GPM6B: variants seen among roughly 807,000 people sequenced by gnomAD.
GPM6B encodes the protein glycoprotein M6B.
GPM6B carries 4 observed loss-of-function variants against 27.2 expected under a neutral mutation model. That is an observed-to-expected ratio of 0.15 (90% CI 0.07 to 0.34). The LOEUF (loss-of-function observed/expected upper bound fraction) is 0.34, where lower values mean the gene tolerates loss of function less well. Among genes scored for constraint, GPM6B ranks in the 10% least tolerant of loss-of-function variants. The pLI is 1.00. For synonymous variants in GPM6B, 124 were observed against 103.1 expected (o/e 1.20, Z -1.23); for missense variants, 183 against 261.9 (o/e 0.70, Z 2.08).
At chrX:13,804,632 T>C (rs2048989082) in intron 2 of GPM6B, among the ~76,000 whole-genome samples, 1 of 110,686 alleles carries the variant, frequency 9.0e-6, no homozygotes, top group South Asian at 3.9e-4. Context: ...GGAACCGCCA[T>C]GACCTTTCCA....
rs780232137 is a variant in GPM6B at position 13,799,253 on chromosome X, T to C, written c.181+8397A>G. ...TTTGACACAGAGCCTTGCTCTGTTGTCCAGGCTGGAGTGCAGTGGCACAAT... is the reference window on the plus strand; with the variant it reads ...TTTGACACAGAGCCTTGCTCTGTTGCCCAGGCTGGAGTGCAGTGGCACAAT... On this transcript the variant is annotated intron_variant, in intron 2 of 7. Transcript: ENST00000316715. Among the ~76,000 whole-genome samples, 14 of 82,693 alleles carry C rather than the reference T, an allele frequency of 1.7e-4. No homozygotes were observed. In the South Asian group the frequency reaches 2.3e-3, roughly 14 times the overall value. The allele number at this position is 82,693 out of a possible 115,157, so 71.8% of individuals were successfully genotyped here. A position where few individuals can be genotyped will look rare whatever the true frequency, so the allele number is the denominator to read the frequency against.
chrX:13,799,178 T>C (rs1430858546), intron 2 of GPM6B, among the ~76,000 whole-genome samples: 2 of 103,248 alleles, frequency 1.9e-5, no homozygotes, highest in Non-Finnish European at 3.9e-5. Context: ...GAAACCTCGA[T>C]TAGCCAACCT....
At chrX:13,790,823 G>C (rs144438943) in intron 2 of GPM6B, among the ~76,000 whole-genome samples, 5 of 112,317 alleles carry the variant, frequency 4.5e-5, no homozygotes, top group Middle Eastern at 4.6e-3. Flanking sequence ...GACAGGGTCT[G>C]AGAAGACGGG....
intron 2 of GPM6B, among the ~76,000 whole-genome samples, chrX:13,793,243 T>A (rs776222849): frequency 3.6e-5 from 4 of 111,260 alleles, no homozygotes; most frequent in African/African-American, 1.3e-4. Flanking sequence ...GGATTCCAGG[T>A]CTTTACATAA....
intron 1 of GPM6B, among the ~76,000 whole-genome samples, chrX:13,898,704 T>C (rs1192424634): frequency 1.8e-5 from 2 of 112,384 alleles, no homozygotes; most frequent in African/African-American, 3.2e-5. Context: ...CCATTTATGT[T>C]TGGTTTGATG....
At chrX:13,931,312 C>A (rs972138850) in intron 1 of GPM6B, among the ~76,000 whole-genome samples, 2 of 110,311 alleles carry the variant, frequency 1.8e-5, no homozygotes, top group African/African-American at 3.3e-5. Flanking sequence ...CATGGTGAAA[C>A]CCCATCTCTA....
chrX:13,869,342 G>A (rs1004860491), intron 1 of GPM6B, among the ~76,000 whole-genome samples: 1 of 104,689 alleles, frequency 9.6e-6, no homozygotes, highest in Non-Finnish European at 2.0e-5. Context: ...TTGAGTGACA[G>A]CAAATGGATA....
intron 1 of GPM6B, among the ~76,000 whole-genome samples, chrX:13,810,381 A>G (rs969773912): frequency 1.8e-5 from 2 of 111,969 alleles, no homozygotes; most frequent in Non-Finnish European, 1.9e-5. Context: ...GGAAATTTTT[A>G]TCCTTTTAAA....
At chrX:13,933,698 TGCAAAA>T (rs1464744581) in intron 1 of GPM6B, among the ~76,000 whole-genome samples, 1 of 112,104 alleles carries the variant, frequency 8.9e-6, no homozygotes, top group Non-Finnish European at 1.9e-5. Flanking sequence ...AGAAAATAGT[TGCAAAA>T]GTAAGTACGG....
intron 1 of GPM6B, among the ~76,000 whole-genome samples, chrX:13,835,769 G>A (rs1392549695): frequency 8.9e-6 from 1 of 112,306 alleles, no homozygotes; most frequent in Non-Finnish European, 1.9e-5. Flanking sequence ...GGTTTTGCCT[G>A]AAACATCAAG....
At chrX:13,784,147 G>A (rs752693888) in intron 3 of GPM6B, among the ~76,000 whole-genome samples, 2 of 113,026 alleles carry the variant, frequency 1.8e-5, no homozygotes, top group Admixed American at 9.3e-5. Context: ...CAAATGACAT[G>A]TCCTCAGCCT....
intron 1 of GPM6B, among the ~76,000 whole-genome samples, chrX:13,849,541 T>G (rs781734402): frequency 8.9e-6 from 1 of 112,620 alleles, no homozygotes; most frequent in East Asian, 2.8e-4. Flanking sequence ...CTGGATACCA[T>G]TGATTACTCT....
intron 1 of GPM6B, among the ~76,000 whole-genome samples, chrX:13,907,855 T>C (rs1419815300): frequency 8.9e-6 from 1 of 112,386 alleles, no homozygotes; most frequent in African/African-American, 3.2e-5. Context: ...ACTTTTACTT[T>C]ACACACAATT....
intron 1 of GPM6B, chrX:13,889,732 C>G (rs2050171483): frequency 1.0e-5 from 1 of 99,862 alleles, no homozygotes; most frequent in Non-Finnish European, 2.0e-5. Flanking sequence ...TTATGTAACT[C>G]TCACCACCCA....
intron 1 of GPM6B, among the ~76,000 whole-genome samples, chrX:13,935,357 AC>A (rs1921783687): frequency 9.7e-6 from 1 of 102,775 alleles, no homozygotes; most frequent in East Asian, 3.0e-4. Flanking sequence ...AAAAAAAAAA[AC>A]TGTAAAGCTT....
At chrX:13,794,042 G>A (rs993343304) in intron 2 of GPM6B, among the ~76,000 whole-genome samples, 15 of 112,009 alleles carry the variant, frequency 1.3e-4, no homozygotes, top group South Asian at 3.7e-4. Flanking sequence ...ACACAGCCAC[G>A]CTCATTCATT....
Position 13,779,862 on chromosome X carries a change from C to T in GPM6B, c.653G>A (p.Gly218Glu), listed in dbSNP as rs1213364071. ...ACAGATCTGCTCCACACCCGTGGTC[C>T]CGTTGGTCTGCGGTGACTTGATGAC... ...CEVIKSPQTN[G>E]TTGVEQICVD... The change falls in exon 5 of 8, where the codon GGG becomes GAG. Residue 218 changes from glycine (G) to glutamate (E), a missense_variant. Gly to Glu is a moderately conservative substitution (Grantham distance 98). Transcript: ENST00000316715. 2 of 1,195,729 alleles carry T rather than the reference C, an allele frequency of 1.7e-6. No homozygotes were observed.
chrX:13,786,658 G>A (rs1286263873), intron 2 of GPM6B, among the ~76,000 whole-genome samples: 2 of 110,660 alleles, frequency 1.8e-5, no homozygotes, highest in African/African-American at 6.6e-5. Context: ...ACTTGAAGGA[G>A]AAAAAAGAAC....
chrX:13,926,052 C>A, intron 1 of GPM6B, among the ~76,000 whole-genome samples: 1 of 96,017 alleles, frequency 1.0e-5, no homozygotes, highest in African/African-American at 4.2e-5. Flanking sequence ...GAGACTCCAT[C>A]TCAAAAAAAA....
Sources: allele counts gnomAD v4.1 joint callset (sites outside exome capture counted in the v4.1 genomes callset), GRCh38; gene constraint gnomAD v4.1.1; transcripts MANE v1.5; gene names NCBI Gene and HGNC (gene_info 2026-07-23, HGNC 2026-07-21).